IGSF11: variants seen among roughly 807,000 people sequenced by gnomAD.
IGSF11 encodes the protein immunoglobulin superfamily member 11.
In IGSF11, 22 loss-of-function variants were observed where a neutral mutation model predicts 41.0. The observed-to-expected ratio is 0.54, with a 90% CI of 0.38 to 0.77. The LOEUF (loss-of-function observed/expected upper bound fraction) is 0.77. Ranked by LOEUF, IGSF11 falls within the 30% of genes least tolerant of loss-of-function variation. The pLI is 0.00. For missense variants in IGSF11, 444 were observed against 530.8 expected (o/e 0.84, Z 1.61); for synonymous variants, 219 against 201.3 (o/e 1.09, Z -0.74).
chr3:119,075,558 G>A (rs918957405), intron 1 of IGSF11, among the ~76,000 whole-genome samples: 6 of 151,960 alleles, frequency 3.9e-5, no homozygotes, highest in South Asian at 2.1e-4. Context: ...CCTCATAAAC[G>A]TAGATGCAAA....
At chr3:119,036,022 G>T (rs1940883207), upstream of IGSF11, among the ~76,000 whole-genome samples, 1 of 152,116 alleles carries the variant, frequency 6.6e-6, no homozygotes, top group South Asian at 2.1e-4. Context: ...GAAGATATAT[G>T]TAAAATTAAA....
At chr3:119,017,179 A>T (rs1293023468) in intron 1 of IGSF11, among the ~76,000 whole-genome samples, 1 of 152,198 alleles carries the variant, frequency 6.6e-6, no homozygotes. Context: ...AAATACAGTC[A>T]CGTTTCACTT....
chr3:119,049,681 T>G (rs1046255860), intron 1 of IGSF11, among the ~76,000 whole-genome samples: 1 of 152,162 alleles, frequency 6.6e-6, no homozygotes, highest in East Asian at 1.9e-4. Flanking sequence ...AAAAGAGCCC[T>G]CATTGACAAG....
chr3:118,950,049 A>C (rs1559946866), intron 1 of IGSF11, among the ~76,000 whole-genome samples: 1 of 152,246 alleles, frequency 6.6e-6, no homozygotes, highest in African/African-American at 2.4e-5. Context: ...GAAAATATAA[A>C]GAATTATCCC....
intron 1 of IGSF11, among the ~76,000 whole-genome samples, chr3:118,973,164 T>C (rs1933648907): frequency 6.6e-6 from 1 of 152,210 alleles, no homozygotes; most frequent in South Asian, 2.1e-4. Flanking sequence ...GAGCAGAGCT[T>C]GTCATATGTA....
At chr3:119,109,570 T>C (rs1020327642), upstream of IGSF11, among the ~76,000 whole-genome samples, 38 of 152,236 alleles carry the variant, frequency 2.5e-4, no homozygotes, top group African/African-American at 8.7e-4. Context: ...TTTGAAGGGT[T>C]TTTTGTGTCT....
rs538915465 is a variant in IGSF11, at chr3:119,124,468, T to C, written c.-13-19263A>G. Among the ~76,000 whole-genome samples, 6 of 150,978 alleles carry C rather than the reference T, an allele frequency of 4.0e-5. No individual in the cohort carries two copies. The South Asian group carries it at 1.3e-3, about 32-fold the overall frequency. ...TTTTAGTAGAGACGGGGTTTCACCA[T>C]GTTGGTCAGGCTGGTCTCAAACTCC... On this transcript the variant is annotated intron_variant, in intron 1 of 7. Coordinates refer to the IGSF11 transcript ENST00000425327.
intron 1 of IGSF11, among the ~76,000 whole-genome samples, chr3:119,045,583 GC>G (rs1941310057): frequency 6.6e-6 from 1 of 152,096 alleles, no homozygotes; most frequent in Non-Finnish European, 1.5e-5. Context: ...GCCCACCATT[GC>G]CCAGGCTTGC....
At chr3:119,005,523 T>C (rs1188277512) in intron 1 of IGSF11, among the ~76,000 whole-genome samples, 1 of 144,716 alleles carries the variant, frequency 6.9e-6, no homozygotes, top group East Asian at 2.0e-4. Flanking sequence ...TAGCTGGTGA[T>C]TTTGCTCGTT....
chr3:118,930,048 T>C (rs1942712921), intron 2 of IGSF11, 64 bp downstream of exon 2: 4 of 1,501,912 alleles, frequency 2.7e-6, no homozygotes, highest in Non-Finnish European at 2.7e-6. Context: ...TCATGATGCT[T>C]CCCTACCAAC....
chr3:118,987,871 T>C (rs1935412966), intron 1 of IGSF11, among the ~76,000 whole-genome samples: 1 of 152,216 alleles, frequency 6.6e-6, no homozygotes, highest in Admixed American at 6.5e-5. Flanking sequence ...AATGAATGAA[T>C]AACCACAACT....
intron 1 of IGSF11, chr3:118,948,028 C>T (rs897169746): frequency 7.9e-5 from 12 of 152,080 alleles, no homozygotes; most frequent in African/African-American, 1.4e-4. Flanking sequence ...TCTAAACATA[C>T]GCAAATTCTA....
chr3:119,041,764 G>C (rs1941126670), intron 1 of IGSF11, among the ~76,000 whole-genome samples: 1 of 152,114 alleles, frequency 6.6e-6, no homozygotes, highest in South Asian at 2.1e-4. Context: ...AGAAAACGTG[G>C]ATAGTCCTGT....
intron 1 of IGSF11, among the ~76,000 whole-genome samples, chr3:119,132,377 GCAAAA>G (rs1278536006): frequency 1.1e-3 from 5 of 4,472 alleles, no homozygotes; most frequent in African/African-American, 3.9e-3. Flanking sequence ...CAAACAGAAA[GCAAAA>G]AAAAAAAAAA....
At chr3:119,141,970 T>C (rs1305218124) in intron 1 of IGSF11, among the ~76,000 whole-genome samples, 1 of 152,028 alleles carries the variant, frequency 6.6e-6, no homozygotes, top group Non-Finnish European at 1.5e-5. Flanking sequence ...ATTATTTGAA[T>C]AATTAGTGTA....
At chr3:119,074,765 T>C (rs1251563583) in intron 1 of IGSF11, among the ~76,000 whole-genome samples, 3 of 151,886 alleles carry the variant, frequency 2.0e-5, no homozygotes, top group Non-Finnish European at 2.9e-5. Flanking sequence ...GGTGGGAGAA[T>C]GGCATGAACC....
At chr3:119,132,912 TCA>T (rs1380228726) in intron 1 of IGSF11, among the ~76,000 whole-genome samples, 1 of 152,108 alleles carries the variant, frequency 6.6e-6, no homozygotes, top group Non-Finnish European at 1.5e-5. Context: ...ACTAAGAAAC[TCA>T]CTCAAAACCA....
intron 1 of IGSF11, among the ~76,000 whole-genome samples, chr3:119,094,002 A>C (rs2076806398): frequency 6.6e-6 from 1 of 152,052 alleles, no homozygotes. Flanking sequence ...ATATGATCTT[A>C]AGAGATTTTA....
intron 1 of IGSF11, among the ~76,000 whole-genome samples, chr3:119,004,946 TG>T (rs1202248921): frequency 2.0e-5 from 3 of 151,756 alleles, no homozygotes; most frequent in Non-Finnish European, 2.9e-5. Flanking sequence ...TCTGTTGATT[TG>T]GGGTGGAGAG....
Sources: allele counts gnomAD v4.1 joint callset (sites outside exome capture counted in the v4.1 genomes callset), GRCh38; gene constraint gnomAD v4.1.1; transcripts MANE v1.5; gene names NCBI Gene and HGNC (gene_info 2026-07-23, HGNC 2026-07-21).